PCDH11X: variants seen among roughly 807,000 people sequenced by gnomAD.
The protein encoded by PCDH11X is protocadherin 11 X-linked, also known as protocadherin-11 X-linked.
In PCDH11X, 18 loss-of-function variants were observed where a neutral mutation model predicts 53.3. The observed-to-expected ratio is 0.34, with a 90% confidence interval of 0.23 to 0.50. PCDH11X has a LOEUF of 0.50. Among genes scored for constraint, PCDH11X ranks in the 20% least tolerant of loss-of-function variants. The pLI is 0.98. For synonymous variants in PCDH11X, 279 were observed against 393.3 expected (o/e 0.71, Z 3.44); for missense variants, 570 against 1,032.4 (o/e 0.55, Z 6.14).
chrX:91,884,075 C>T (rs1940073168), intron 6 of PCDH11X: 1 of 130,312 alleles, frequency 7.7e-6, no homozygotes, highest in Non-Finnish European at 1.4e-5. Flanking sequence ...CCTGTAATCC[C>T]AGCTACTCGG....
At chrX:92,307,963 G>C (rs1220472608) in intron 8 of PCDH11X, among the ~76,000 whole-genome samples, 1 of 104,286 alleles carries the variant, frequency 9.6e-6, no homozygotes, top group Admixed American at 1.1e-4. Context: ...GGAGGTGAAC[G>C]ACTTGTAGAC....
intron 8 of PCDH11X, among the ~76,000 whole-genome samples, chrX:92,347,396 A>G (rs2069928869): frequency 8.9e-6 from 1 of 111,942 alleles, no homozygotes; most frequent in East Asian, 2.8e-4. Flanking sequence ...TCTCCTTCGG[A>G]TGCTCTTATA....
chrX:91,968,418 A>G (rs1467940857), intron 6 of PCDH11X, among the ~76,000 whole-genome samples: 5 of 108,987 alleles, frequency 4.6e-5, no homozygotes, highest in Non-Finnish European at 3.8e-5. Flanking sequence ...TCACAGTTAA[A>G]GTGACTGAGT....
At chrX:91,941,036 G>C (rs751717051) in intron 6 of PCDH11X, among the ~76,000 whole-genome samples, 9 of 110,699 alleles carry the variant, frequency 8.1e-5, no homozygotes, top group African/African-American at 2.6e-4. Context: ...ACTTAATTGT[G>C]CATTTTAAAA....
chrX:92,031,356 A>G (rs1348269453), intron 6 of PCDH11X, among the ~76,000 whole-genome samples: 2 of 102,667 alleles, frequency 1.9e-5, no homozygotes, highest in African/African-American at 3.7e-5. Flanking sequence ...AGAGTTGTTT[A>G]ACCTCCTCAT....
chrX:91,997,585 A>G (rs1244281508), intron 6 of PCDH11X, among the ~76,000 whole-genome samples: 1 of 111,611 alleles, frequency 9.0e-6, no homozygotes, highest in Admixed American at 9.5e-5. Context: ...ATCATGGTGT[A>G]TGATCTTTTT....
chrX:92,437,985 A>G (rs1426458119), intron 9 of PCDH11X, among the ~76,000 whole-genome samples: 1 of 112,059 alleles, frequency 8.9e-6, no homozygotes, highest in African/African-American at 3.2e-5. Flanking sequence ...TAACGCATCG[A>G]AAATTGGGTG....
In PCDH11X at chrX:91,966,207, TAAAACA is replaced by T. The variant is rs2061861670; in HGVS notation, c.3033+86937_3033+86942del. ...TCATTTCCTGAGGAAGGAATGCAGATAAAACAAATATAAGTTTCAAGCTTTAAGACC... is the reference window on the plus strand; with the variant it reads ...TCATTTCCTGAGGAAGGAATGCAGATAATATAAGTTTCAAGCTTTAAGACC... On this transcript the variant is annotated intron_variant, in intron 6 of 10. Transcript: ENST00000682573. Among the ~76,000 whole-genome samples the T allele has an allele frequency of 3.7e-5, 4 of 108,325 alleles. No homozygotes were observed. The South Asian group carries it at 1.6e-3, about 45-fold the overall frequency. 94.1% of individuals were successfully genotyped at this position (108,325 alleles called of 115,157 possible).
chrX:91,839,522 T>A (rs1439225354), intron 5 of PCDH11X, among the ~76,000 whole-genome samples: 1 of 107,185 alleles, frequency 9.3e-6, no homozygotes, highest in Non-Finnish European at 1.9e-5. Context: ...GAGAATCACT[T>A]GAATTCGGGA....
intron 9 of PCDH11X, among the ~76,000 whole-genome samples, chrX:92,419,605 C>A (rs1481827663): frequency 1.0e-4 from 11 of 104,971 alleles, no homozygotes; most frequent in Non-Finnish European, 1.9e-4. Context: ...TTAATTCTAC[C>A]ATTTTAATAG....
chrX:92,240,023 G>A (rs1236636775), intron 7 of PCDH11X, among the ~76,000 whole-genome samples: 1 of 111,829 alleles, frequency 8.9e-6, no homozygotes, highest in Non-Finnish European at 1.9e-5. Context: ...TTAACACATA[G>A]TGACTTAAGA....
At chrX:92,189,349 G>A (rs181015365) in intron 6 of PCDH11X, among the ~76,000 whole-genome samples, 2 of 111,619 alleles carry the variant, frequency 1.8e-5, no homozygotes, top group East Asian at 2.8e-4. Flanking sequence ...TGAGGATAAC[G>A]GCTTGCAGCT....
intron 9 of PCDH11X, among the ~76,000 whole-genome samples, chrX:92,415,156 G>T (rs1311844556): frequency 2.7e-5 from 3 of 111,202 alleles, no homozygotes; most frequent in Non-Finnish European, 5.7e-5. Flanking sequence ...TGAGTGAAAA[G>T]TTCTATAATG....
chrX:92,382,874 A>G (rs1429106316), intron 8 of PCDH11X, among the ~76,000 whole-genome samples: 1 of 105,703 alleles, frequency 9.5e-6, no homozygotes, highest in African/African-American at 3.5e-5. Flanking sequence ...TTTGTCATGA[A>G]CAAATTATGA....
intron 8 of PCDH11X, among the ~76,000 whole-genome samples, chrX:92,294,071 T>G (rs1160188983): frequency 9.0e-6 from 1 of 110,943 alleles, no homozygotes; most frequent in East Asian, 2.9e-4. Context: ...ATTTGCAACA[T>G]TTTTTGAAAT....
At chrX:92,206,790 G>T (rs577500803) in intron 7 of PCDH11X, among the ~76,000 whole-genome samples, 1 of 111,031 alleles carries the variant, frequency 9.0e-6, no homozygotes, top group East Asian at 2.9e-4. Flanking sequence ...GCCTCCTAAA[G>T]TGCTGGGATT....
chrX:92,084,467 A>C (rs2063915793), intron 6 of PCDH11X, among the ~76,000 whole-genome samples: 2 of 107,232 alleles, frequency 1.9e-5, no homozygotes, highest in Non-Finnish European at 3.8e-5. Flanking sequence ...GAATCGCTTG[A>C]ACCCGGGAAG....
At chrX:91,978,398 A>G (rs2062075221) in intron 6 of PCDH11X, among the ~76,000 whole-genome samples, 1 of 105,424 alleles carries the variant, frequency 9.5e-6, no homozygotes, top group African/African-American at 3.5e-5. Flanking sequence ...CTGGGCTACC[A>G]ATCACACTTC....
chrX:91,908,708 G>A (rs1941271614), intron 6 of PCDH11X, among the ~76,000 whole-genome samples: 1 of 108,636 alleles, frequency 9.2e-6, no homozygotes. Flanking sequence ...GGGAGGCTGA[G>A]GCAGGAGCAT....
Sources: allele counts gnomAD v4.1 joint callset (sites outside exome capture counted in the v4.1 genomes callset), GRCh38; gene constraint gnomAD v4.1.1; transcripts MANE v1.5; gene names NCBI Gene and HGNC (gene_info 2026-07-23, HGNC 2026-07-21).